The following OLFML2A variants were observed in gnomAD, a reference collection of about 807,000 sequenced individuals.
OLFML2A encodes the protein olfactomedin like 2A, also known as olfactomedin-like protein 2A.
A neutral mutation model predicts 60.9 loss-of-function variants in OLFML2A; 47 were observed. That is an observed-to-expected ratio of 0.77 (90% CI 0.61 to 0.98). OLFML2A has a LOEUF of 0.98. OLFML2A is among the 50% of genes least tolerant of loss of function. OLFML2A has a pLI of 0.00. For synonymous variants in OLFML2A, 372 were observed against 375.0 expected, an observed-to-expected ratio of 0.99 and a Z score of 0.09; for missense variants, 922 against 879.8, an observed-to-expected ratio of 1.05 and a Z score of -0.61.
At chr9:124,804,382 G>A in intron 6 of OLFML2A, 40 bp downstream of exon 6, 1 of 1,492,060 alleles carries the variant, frequency 6.7e-7, no homozygotes, top group South Asian at 1.3e-5. Context: ...TGTAGCCTGT[G>A]CCCAAATCTA....
chr9:124,785,252 C>A (rs1192128855), intron 1 of OLFML2A, among the ~76,000 whole-genome samples: 1 of 151,728 alleles, frequency 6.6e-6, no homozygotes, highest in African/African-American at 2.4e-5. Flanking sequence ...CTGTGCCCAG[C>A]CCTACATTCC....
In OLFML2A at chr9:124,789,229, C is replaced by T. The variant is rs531816857; in HGVS notation, c.354+1991C>T. Among the ~76,000 whole-genome samples, 90 of 152,298 alleles carry T rather than the reference C, an allele frequency of 5.9e-4. 1 individual carries two copies. In the South Asian group the frequency reaches 0.018, roughly 30 times the overall value. On this transcript the variant is annotated intron_variant, in intron 2 of 7. Coordinates refer to ENST00000373580, the MANE Select transcript of OLFML2A (RefSeq NM_182487.4). ...ACAGGCGTGAGTCACTGTGCCTTTC[C>T]AGTTTGGTGCTTTTTGAAAGTATGT...
At chr9:124,780,241 G>A (rs1403927290) in intron 1 of OLFML2A, among the ~76,000 whole-genome samples, 7 of 152,182 alleles carry the variant, frequency 4.6e-5, no homozygotes, top group Non-Finnish European at 1.5e-5. Context: ...GCAGACCTCT[G>A]GGGAGCTGCT....
chr9:124,780,143 CCCCACAGCTT>C (rs1210915835), intron 1 of OLFML2A, among the ~76,000 whole-genome samples: 1 of 152,138 alleles, frequency 6.6e-6, no homozygotes, highest in African/African-American at 2.4e-5. Flanking sequence ...AGGAGGGGGA[CCCCACAGCTT>C]CCCTGGTATT....
At chr9:124,803,049 C>T (rs902803653) in intron 5 of OLFML2A, among the ~76,000 whole-genome samples, 15 of 152,106 alleles carry the variant, frequency 9.9e-5, no homozygotes, top group Non-Finnish European at 1.9e-4. Flanking sequence ...GCTGGGATTA[C>T]AGGCACGTGC....
chr9:124,777,775 C>G lies in OLFML2A; in HGVS notation c.90+415C>G, dbSNP rs538842010. Among the ~76,000 whole-genome samples the G allele has an allele frequency of 6.6e-6, 1 of 152,236 alleles. No individual in the cohort carries two copies. The highest frequency in any genetic ancestry group is 2.1e-4 in the South Asian group (1 of 4,822). ...CTGGGGACTGGGGGTCTTCTCTACCCGATGAACGCAGCCGCGCTGGCCACT... is the reference window on the plus strand; with the variant it reads ...CTGGGGACTGGGGGTCTTCTCTACCGGATGAACGCAGCCGCGCTGGCCACT... On this transcript the variant is annotated intron_variant, in intron 1 of 7. Coordinates refer to ENST00000373580, the MANE Select transcript of OLFML2A (RefSeq NM_182487.4). The surrounding 1 kb of genome is among the most constrained non-coding windows in gnomAD (Gnocchi z 6.2).
chr9:124,798,331 G>A (rs540873029), intron 3 of OLFML2A, among the ~76,000 whole-genome samples: 226 of 151,954 alleles, frequency 1.5e-3, no homozygotes, highest in Middle Eastern at 0.01. Flanking sequence ...GCGAAATCCC[G>A]TCTCTACTAA....
intron 4 of OLFML2A, 109 bp from the exon 5 acceptor site, chr9:124,801,305 G>C: frequency 2.5e-6 from 3 of 1,184,394 alleles, no homozygotes; most frequent in Non-Finnish European, 3.7e-6. Context: ...TTGGGACATA[G>C]GGCCTGGGGC....
intron 1 of OLFML2A, among the ~76,000 whole-genome samples, chr9:124,780,202 G>C (rs1841335779): frequency 6.6e-6 from 1 of 152,326 alleles, no homozygotes; most frequent in Middle Eastern, 3.4e-3. Context: ...GAATGGACAG[G>C]TAACCACATG....
chr9:124,795,319 A>T (rs537002088), intron 3 of OLFML2A, among the ~76,000 whole-genome samples, 188 bp downstream of exon 3: 73 of 152,360 alleles, frequency 4.8e-4, no homozygotes, highest in Non-Finnish European at 8.1e-4. Context: ...TAACTGGCTC[A>T]AGGGCCTGCA....
intron 6 of OLFML2A, among the ~76,000 whole-genome samples, chr9:124,805,257 C>T (rs1218384633): frequency 6.6e-6 from 1 of 152,154 alleles, no homozygotes; most frequent in Non-Finnish European, 1.5e-5. Flanking sequence ...CAAGGTCATT[C>T]CACTTCTAGG....
chr9:124,801,681 G>A lies in OLFML2A; in HGVS notation c.919+18G>A. 6.2e-7 allele frequency: 1 copy of A among 1,608,024 alleles called. No individual in the cohort carries two copies. The highest frequency in any genetic ancestry group is 8.5e-7 in the Non-Finnish European group (1 of 1,176,178). ...GGTGGCAGGTGAGTAGGAGGGGAAT[G>A]GGGACCCTGGGGAGTCAGGGATGGA... On this transcript the variant is annotated intron_variant, in intron 5 of 7. Transcript: ENST00000373580.
Position 124,811,087 on chromosome 9 carries a change from A to G in OLFML2A, c.*675A>G, listed in dbSNP as rs1389940156. On this transcript the variant is annotated 3_prime_UTR_variant, in exon 8 of 8. Transcript: ENST00000373580. ...ACATTCCAAACCTCTACCGTCACCT[A>G]GCTGCTGAGCAGAAACCGCACCCCG... 6.6e-6 allele frequency: 1 copy of G among 152,272 alleles called. No individual in the cohort carries two copies. Among genetic ancestry groups the G allele is most frequent in the East Asian group, 1.9e-4 (1 of 5,162 alleles). 9.4% of individuals were successfully genotyped at this position (152,272 alleles called of 1,614,324 possible). A position where few individuals can be genotyped will look rare whatever the true frequency, so the allele number is the denominator to read the frequency against.
chr9:124,784,238 C>T (rs10116150), intron 1 of OLFML2A, among the ~76,000 whole-genome samples: 1 of 150,434 alleles, frequency 6.6e-6, no homozygotes, highest in African/African-American at 2.4e-5. Context: ...GAGTCTTGCT[C>T]TCTTGTCCAG....
intron 4 of OLFML2A, among the ~76,000 whole-genome samples, chr9:124,799,889 G>C (rs1366355161): frequency 6.6e-6 from 1 of 152,214 alleles, no homozygotes; most frequent in Non-Finnish European, 1.5e-5. Flanking sequence ...AGCCTGCTCA[G>C]AGGGAGGTGG....
At position 124,779,093 on chromosome 9, in the gene OLFML2A, G is replaced by T; in HGVS notation, c.90+1733G>T. Reference sequence around the variant, plus strand: ...GCTCATGTACTCCAGAGACAAGGAGGGAATGAGTATTTTTTCTAATTTACA... The same window carrying T: ...GCTCATGTACTCCAGAGACAAGGAGTGAATGAGTATTTTTTCTAATTTACA... On this transcript the variant is annotated intron_variant, in intron 1 of 7. Transcript: ENST00000373580. This position sits in a 1 kb window ranked among gnomAD's most constrained non-coding sequence, Gnocchi z 4.1. 3.7e-6 allele frequency: 1 copy of T among 267,820 alleles called. No homozygotes were observed. Among genetic ancestry groups the T allele is most frequent in the Non-Finnish European group, 5.7e-6 (1 of 173,992 alleles). The allele number at this position is 267,820 out of a possible 1,614,324, so 16.6% of individuals were successfully genotyped here. A position where few individuals can be genotyped will look rare whatever the true frequency, so the allele number is the denominator to read the frequency against.
intron 3 of OLFML2A, among the ~76,000 whole-genome samples, chr9:124,797,607 T>C (rs2131264872): frequency 6.6e-6 from 1 of 152,366 alleles, no homozygotes; most frequent in Admixed American, 6.5e-5. Flanking sequence ...CATAATTCTG[T>C]TGCTCCGCGG....
At chr9:124,807,730 TG>T (rs946751878) in intron 6 of OLFML2A, 50 bp from the exon 7 acceptor site, 77 of 1,464,464 alleles carry the variant, frequency 5.3e-5, no homozygotes, top group African/African-American at 8.4e-5. Context: ...TTGCTCTGGC[TG>T]GGGGGCTTGG....
In OLFML2A at chr9:124,804,260, C is replaced by T; in HGVS notation, c.1086C>T (p.Thr362=). ...SGTPTSIPAT[T]TTATTTPTPT... ...CCCCCACTTCAATCCCTGCCACCAC[C>T]ACCACCGCCACCACCACCCCAACCC... is the stretch of plus-strand genomic sequence containing the variant. Residue 362 remains threonine (T), a synonymous_variant, in exon 6 of 8, where the codon ACC becomes ACT. Transcript: ENST00000373580. The T allele has an allele frequency of 1.3e-6, 2 of 1,597,272 alleles. No homozygotes were observed. The highest frequency in any genetic ancestry group is 1.7e-6 in the Non-Finnish European group (2 of 1,172,680).
Sources: gnomAD v4.1 joint callset for allele counts (sites outside exome capture counted in the v4.1 genomes callset) on GRCh38, gnomAD v4.1.1 for gene constraint, Gnocchi (gnomAD v3.1) non-coding constraint, MANE v1.5 for transcripts, NCBI Gene and HGNC (gene_info 2026-07-23, HGNC 2026-07-21) for gene names.